LDHA: variants seen among roughly 807,000 people sequenced by gnomAD.
LDHA encodes the protein L-lactate dehydrogenase A chain.
Under a neutral mutation model 36.3 loss-of-function variants are expected in LDHA, and 10 were observed. That is an observed-to-expected ratio of 0.28 (90% CI 0.17 to 0.47). The LOEUF (loss-of-function observed/expected upper bound fraction) is 0.47. LDHA is among the 20% of genes least tolerant of loss of function. The probability of loss-of-function intolerance (pLI) is 0.99; values close to 1 mark genes in which losing one functional copy is unlikely to be tolerated. For synonymous variants in LDHA, 110 were observed against 136.7 expected (o/e 0.80, Z 1.36); for missense variants, 267 against 405.8 (o/e 0.66, Z 2.94).
At chr11:18,396,759 T>A (rs1035277981) in intron 1 of LDHA, 60 bp from the exon 2 acceptor site, 6 of 1,475,646 alleles carry the variant, frequency 4.1e-6, no homozygotes, top group Non-Finnish European at 5.5e-6. Context: ...CTTAAAAAAA[T>A]CTCTTGGTTA....
chr11:18,399,460 T>C lies in LDHA; in HGVS notation c.156T>C (p.Asp52=), dbSNP rs1268254773. Residue 52 remains aspartate (D), a synonymous_variant, in exon 3 of 8, where the codon GAT becomes GAC. Coordinates refer to ENST00000422447, the MANE Select transcript of LDHA (RefSeq NM_005566.4). ...KDLADELALV[D]VIEDKLKGEM... Reference sequence around the variant, plus strand: ...TGGCAGATGAACTTGCTCTTGTTGATGTCATCGAAGACAAATTGAAGGGAG... The same window carrying C: ...TGGCAGATGAACTTGCTCTTGTTGACGTCATCGAAGACAAATTGAAGGGAG... 2 of 1,613,400 alleles carry C rather than the reference T, an allele frequency of 1.2e-6. No individual in the cohort carries two copies. The highest frequency in any genetic ancestry group is 2.2e-5 in the East Asian group (1 of 44,884).
At position 18,407,791 on chromosome 11, in the gene LDHA, C is replaced by G. The variant is rs1180780916; in HGVS notation, c.*510C>G. On this transcript the variant is annotated 3_prime_UTR_variant, in exon 8 of 8. Coordinates refer to ENST00000422447, the MANE Select transcript of LDHA (RefSeq NM_005566.4). ...TAAAAAGATCTACATACAAACAATG[C>G]AACCAACTATCCAAGTGTTATACCA... The G allele has an allele frequency of 1.1e-5, 5 of 455,848 alleles. No homozygotes were observed. Among genetic ancestry groups the G allele is most frequent in the Non-Finnish European group, 2.2e-5 (5 of 228,106 alleles). The allele number at this position is 455,848 out of a possible 1,614,324, so 28.2% of individuals were successfully genotyped here. A position where few individuals can be genotyped will look rare whatever the true frequency, so the allele number is the denominator to read the frequency against.
intron 3 of LDHA, chr11:18,400,432 CACACACACACACACA>C: frequency 4.6e-3 from 10 of 2,164 alleles, no homozygotes; most frequent in South Asian, 5.1e-3. Context: ...ACCACCACCA[CACACACACACACACA>C]CACACACACA....
chr11:18,401,490 T>TC (rs1427388386), intron 4 of LDHA, among the ~76,000 whole-genome samples: 3 of 121,814 alleles, frequency 2.5e-5, no homozygotes, highest in African/African-American at 9.5e-5. Context: ...TTTTTTTTTT[T>TC]TTTTTGAGAC....
intron 7 of LDHA, among the ~76,000 whole-genome samples, chr11:18,406,090 T>A (rs141278780): frequency 0.015 from 2,321 of 152,204 alleles, 62 homozygotes; most frequent in African/African-American, 0.052. Flanking sequence ...CTCAGCCTCC[T>A]AAGTAGCTGG....
intron 1 of LDHA, chr11:18,396,347 A>G: frequency 2.5e-6 from 1 of 396,564 alleles, no homozygotes; most frequent in Non-Finnish European, 4.5e-6. Flanking sequence ...CGGGAAGGAG[A>G]GCCACAAAGC....
intron 1 of LDHA, chr11:18,396,568 C>G: frequency 7.2e-7 from 1 of 1,382,232 alleles, no homozygotes; most frequent in Non-Finnish European, 9.3e-7. Flanking sequence ...CCTCAGGAGG[C>G]TATACTTACA....
intron 7 of LDHA, chr11:18,405,882 T>TAGCA (rs1866664213): frequency 3.1e-6 from 1 of 324,788 alleles, no homozygotes; most frequent in African/African-American, 2.2e-5. Flanking sequence ...ATATTCAAGT[T>TAGCA]AGCATTATGT....
At chr11:18,396,238 A>AT in intron 1 of LDHA, 1 of 312,580 alleles carries the variant, frequency 3.2e-6, no homozygotes, top group African/African-American at 2.1e-5. Context: ...CACGCGCACA[A>AT]GTTCCTGGGC....
chr11:18,396,669 AC>A, intron 1 of LDHA, 149 bp from the exon 2 acceptor site: 2 of 1,377,264 alleles, frequency 1.5e-6, no homozygotes, highest in Non-Finnish European at 1.9e-6. Flanking sequence ...TCTTTTGGCA[AC>A]CATTAGGTTT....
intron 1 of LDHA, chr11:18,396,432 C>T (rs967036368): frequency 2.5e-5 from 11 of 440,250 alleles, no homozygotes; most frequent in African/African-American, 1.2e-4. Flanking sequence ...CTTTTCTGCA[C>T]GTATCTCTGG....
chr11:18,404,790 A>C (rs775083896), intron 6 of LDHA, among the ~76,000 whole-genome samples: 1 of 117,340 alleles, frequency 8.5e-6, no homozygotes, highest in African/African-American at 2.9e-5. Context: ...CCTGGGCGAC[A>C]GAGCGAGACT....
Position 18,400,979 on chromosome 11 carries a change from G to A in LDHA, c.387G>A (p.Pro129=), listed in dbSNP as rs61752915. 0.014 allele frequency: 21,932 copies of A among 1,612,860 alleles called. 202 individuals are homozygous for A. Among genetic ancestry groups the A allele is most frequent in the Non-Finnish European group, 0.016 (19,250 of 1,179,410 alleles). The stretch of plus-strand genomic sequence containing the variant: ...TTCCTAATGTTGTAAAATACAGCCC[G>A]AACTGCAAGTTGCTTATTGTTTCAA... ...FIIPNVVKYS[P]NCKLLIVSNP... is the part of the protein sequence containing the mutation. The change falls in exon 4 of 8, where the codon CCG becomes CCA. Residue 129 remains proline (P), a synonymous_variant. Coordinates refer to ENST00000422447, the MANE Select transcript of LDHA (RefSeq NM_005566.4).
chr11:18,407,949 A>AT lies in LDHA; in HGVS notation c.*674dup, dbSNP rs1421011198. On this transcript the variant is annotated 3_prime_UTR_variant, in exon 8 of 8. Coordinates refer to ENST00000422447, the MANE Select transcript of LDHA (RefSeq NM_005566.4). ...GCTATTCTTGGGCAACCCTGCAACG[A>AT]TTTTTTCTAACAGGGATATTATTGA... is the stretch of plus-strand genomic sequence containing the variant. The AT allele has an allele frequency of 6.6e-6, 3 of 453,952 alleles. No individual in the cohort carries two copies. The highest frequency in any genetic ancestry group is 1.4e-4 in the East Asian group (2 of 14,414). 28.1% of individuals were successfully genotyped at this position (453,952 alleles called of 1,614,324 possible). A position where few individuals can be genotyped will look rare whatever the true frequency, so the allele number is the denominator to read the frequency against.
rs1326004787 is a variant in LDHA, at chr11:18,394,641, G to T, written c.-25+5G>T. 2.2e-6 allele frequency: 1 copy of T among 454,056 alleles called. No individual in the cohort carries two copies. Among genetic ancestry groups the T allele is most frequent in the Non-Finnish European group, 4.4e-6 (1 of 226,764 alleles). 28.1% of individuals were successfully genotyped at this position (454,056 alleles called of 1,614,324 possible). ...ACCGCCCGACGTGCATTCCCGGTACGGTAGGGCCCTGCGCGCACGGCGCCA... is the reference window on the plus strand; with the variant it reads ...ACCGCCCGACGTGCATTCCCGGTACTGTAGGGCCCTGCGCGCACGGCGCCA... On this transcript the variant is annotated splice_donor_5th_base_variant and intron_variant, in intron 1 of 7. Transcript: ENST00000422447.
In LDHA at chr11:18,396,985, C is replaced by T. The variant is rs199901539; in HGVS notation, c.126+17C>T. 24 of 1,613,324 alleles carry T rather than the reference C, an allele frequency of 1.5e-5. No individual in the cohort carries two copies. Among genetic ancestry groups the T allele is most frequent in the Admixed American group, 1.7e-5 (1 of 59,998 alleles). On this transcript the variant is annotated intron_variant, in intron 2 of 7. Transcript: ENST00000422447. The stretch of plus-strand genomic sequence containing the variant: ...TTAATGAAGGTAAGTGAGAGTCTAC[C>T]ACACTGGAAGCCCATACCTTGACCC...
Position 18,407,354 on chromosome 11 carries a change from C to T in LDHA, c.*73C>T, listed in dbSNP as rs946581513. ...CTAGGTGGAGGTTGTGCATGTTGTC[C>T]TTTTTATCTGATCTGTGATTAAAGC... On this transcript the variant is annotated 3_prime_UTR_variant, in exon 8 of 8. Transcript: ENST00000422447. 1.9e-6 allele frequency: 3 copies of T among 1,610,694 alleles called. No individual in the cohort carries two copies. Among genetic ancestry groups the T allele is most frequent in the African/African-American group, 2.7e-5 (2 of 74,782 alleles).
At chr11:18,399,612 C>T (rs1215457073) in intron 3 of LDHA, 64 bp downstream of exon 3, 4 of 1,226,624 alleles carry the variant, frequency 3.3e-6, no homozygotes, top group Non-Finnish European at 4.8e-6. Flanking sequence ...CAGATGGTCT[C>T]CATTTGTTGC....
At chr11:18,405,922 A>G (rs1328195173) in intron 7 of LDHA, 2 of 277,052 alleles carry the variant, frequency 7.2e-6, no homozygotes, top group African/African-American at 2.3e-5. Flanking sequence ...CTTTTATACT[A>G]TTAATTAAAT....
Sources: allele counts gnomAD v4.1 joint callset (sites outside exome capture counted in the v4.1 genomes callset), GRCh38; gene constraint gnomAD v4.1.1; transcripts MANE v1.5; gene names NCBI Gene and HGNC (gene_info 2026-07-23, HGNC 2026-07-21).